The following SPATA1 variants were observed in gnomAD, a reference collection of about 807,000 sequenced individuals.
The protein encoded by SPATA1 is spermatogenesis associated 1, also known as spermatogenesis-associated protein 1.
In SPATA1, 57 loss-of-function variants were observed where a neutral mutation model predicts 59.6. That is an observed-to-expected ratio of 0.96 (90% confidence interval 0.77 to 1.19). The LOEUF is 1.19. Ranked by LOEUF, SPATA1 falls within the 50% of genes most tolerant of loss-of-function variation. The pLI is 0.00. For missense variants in SPATA1, 448 were observed against 480.7 expected (o/e 0.93, Z 0.64); for synonymous variants, 147 against 163.9 (o/e 0.90, Z 0.79).
chr1:84,524,116 G>A (rs546131069), intron 4 of SPATA1, among the ~76,000 whole-genome samples: 1 of 151,978 alleles, frequency 6.6e-6, no homozygotes, highest in Non-Finnish European at 1.5e-5. Context: ...AAGAGGGTAA[G>A]TAGAAAACTT....
At chr1:84,528,512 A>G (rs1683326188) in intron 6 of SPATA1, among the ~76,000 whole-genome samples, 1 of 152,068 alleles carries the variant, frequency 6.6e-6, no homozygotes, top group Non-Finnish European at 1.5e-5. Context: ...CACTTCTCTT[A>G]CTCAACATTG....
At chr1:84,557,270 C>T (rs1242711638), downstream of SPATA1, among the ~76,000 whole-genome samples, 2 of 152,098 alleles carry the variant, frequency 1.3e-5, no homozygotes, top group Non-Finnish European at 2.9e-5. Flanking sequence ...CGATGGCTTA[C>T]GCCTGTAATC....
At chr1:84,555,293 A>G, downstream of SPATA1, 1 of 968,398 alleles carries the variant, frequency 1.0e-6, no homozygotes, top group South Asian at 2.2e-5. Flanking sequence ...CAGTACAGTA[A>G]GAGGGAAAAA....
intron 6 of SPATA1, 77 bp downstream of exon 6, chr1:84,526,150 TG>T: frequency 8.3e-7 from 1 of 1,197,680 alleles, no homozygotes; most frequent in Non-Finnish European, 1.2e-6. Flanking sequence ...AAGCAAACCC[TG>T]AGCAAACCTA....
At chr1:84,556,946 T>C (rs1684449337), downstream of SPATA1, among the ~76,000 whole-genome samples, 1 of 152,208 alleles carries the variant, frequency 6.6e-6, no homozygotes, top group African/African-American at 2.4e-5. Context: ...TGACAGATTA[T>C]TGAAGATTCA....
At chr1:84,550,059 G>A (rs1486629402) in intron 11 of SPATA1, 1 of 152,064 alleles carries the variant, frequency 6.6e-6, no homozygotes, top group African/African-American at 2.4e-5. Context: ...TATTAAATTA[G>A]TTTTTGCATA....
intron 4 of SPATA1, among the ~76,000 whole-genome samples, chr1:84,561,526 G>GT (rs1323055444): frequency 6.6e-6 from 1 of 152,222 alleles, no homozygotes; most frequent in Non-Finnish European, 1.5e-5. Flanking sequence ...CAGCAGCAGA[G>GT]TTTGATGGGG....
Position 84,563,532 on chromosome 1 carries a change from T to C in SPATA1, n.443-2329T>C, listed in dbSNP as rs1277178170. ...AAACATATACCATAGAAAACCTGAC[T>C]ATACAGAAAAAAGGTTAAAATAAAT... is the stretch of plus-strand genomic sequence containing the variant. On this transcript the variant is annotated intron_variant and non_coding_transcript_variant, in intron 4 of 4. Transcript: ENST00000460286. 4.3e-5 allele frequency: 34 copies of C among 783,872 alleles called. No individual in the cohort carries two copies. The Admixed American group carries it at 1.3e-3, about 29-fold the overall frequency. The allele number at this position is 783,872 out of a possible 1,614,324, so 48.6% of individuals were successfully genotyped here.
At chr1:84,554,980 ATGGTT>A (rs760513098), downstream of SPATA1, 1 of 1,602,026 alleles carries the variant, frequency 6.2e-7, no homozygotes, top group South Asian at 1.1e-5. Flanking sequence ...CTAACTCTTA[ATGGTT>A]TGACAAAAGA....
At chr1:84,563,774 A>G in intron 4 of SPATA1, 1 of 1,609,140 alleles carries the variant, frequency 6.2e-7, no homozygotes, top group East Asian at 2.2e-5. Context: ...AACCATACCA[A>G]GGAACACCCA....
intron 8 of SPATA1, among the ~76,000 whole-genome samples, chr1:84,534,229 T>A (rs150943900): frequency 0.011 from 1,736 of 152,162 alleles, 9 homozygotes; most frequent in Non-Finnish European, 0.018. Context: ...AACGAGTTAA[T>A]GAACACTATT....
In SPATA1 at chr1:84,532,944, C is replaced by A; in HGVS notation, c.629C>A (p.Ser210Ter). The A allele has an allele frequency of 6.4e-7, 1 of 1,551,464 alleles. No individual in the cohort carries two copies. The highest frequency in any genetic ancestry group is 8.7e-7 in the Non-Finnish European group (1 of 1,146,850). ...GAGTTGCCAGGATCATTGGAAGATT[C>A]AAATAATGATTGCTTTGGCACTAAA... Residue 210 changes from serine to a stop codon, truncating the protein, a stop_gained, in exon 7 of 13, where the codon TCA (serine) becomes TAA (stop). Transcript: ENST00000490879. LOFTEE classifies it high-confidence loss of function.
At chr1:84,562,726 T>G (rs1352115455) in intron 4 of SPATA1, among the ~76,000 whole-genome samples, 2 of 152,194 alleles carry the variant, frequency 1.3e-5, no homozygotes, top group African/African-American at 4.8e-5. Context: ...TTTCTTCAGG[T>G]TTCCTTTATG....
chr1:84,564,782 A>G (rs1378307214), intron 4 of SPATA1, among the ~76,000 whole-genome samples: 1 of 152,184 alleles, frequency 6.6e-6, no homozygotes, highest in Admixed American at 6.5e-5. Context: ...ACAATGGCTC[A>G]TGCCTGTAAT....
chr1:84,565,608 A>T (rs1417156526), intron 4 of SPATA1, among the ~76,000 whole-genome samples: 1 of 152,208 alleles, frequency 6.6e-6, no homozygotes, highest in Non-Finnish European at 1.5e-5. Context: ...TTTTTATCTC[A>T]TCTAGAAATA....
Position 84,548,959 on chromosome 1 carries a change from T to TC in SPATA1, c.1122dup (p.Lys375GlnfsTer10). Reference sequence around the variant, plus strand: ...AAAGAATCTGGCAAACATCACAGACTCCAAGGTATTACTAAATGTATCCCC... The same window carrying TC: ...AAAGAATCTGGCAAACATCACAGACTCCCAAGGTATTACTAAATGTATCCCC... On this transcript the variant is annotated frameshift_variant, in exon 11 of 13. Coordinates refer to ENST00000490879, the Ensembl canonical transcript of SPATA1. LOFTEE classifies it high-confidence loss of function. 1.3e-6 allele frequency: 2 copies of TC among 1,572,680 alleles called. No individual in the cohort carries two copies. Among genetic ancestry groups the TC allele is most frequent in the Non-Finnish European group, 1.7e-6 (2 of 1,162,320 alleles).
intron 1 of SPATA1, among the ~76,000 whole-genome samples, chr1:84,514,398 G>T (rs545306893): frequency 1.3e-5 from 2 of 152,276 alleles, no homozygotes; most frequent in South Asian, 4.1e-4. Context: ...AAAGGTTTGG[G>T]ATAATCTGAA....
intron 10 of SPATA1, among the ~76,000 whole-genome samples, chr1:84,547,406 G>C (rs937871175): frequency 3.9e-5 from 6 of 152,198 alleles, no homozygotes; most frequent in Admixed American, 2.0e-4. Flanking sequence ...GCCGGGCACT[G>C]TTTTAAATGC....
exon 12 of SPATA1, chr1:84,550,449 G>C: frequency 6.5e-7 from 1 of 1,547,498 alleles, no homozygotes; most frequent in South Asian, 1.3e-5. Context: ...TAATAATCCA[G>C]ATCACTGAGG....
Sources: gnomAD v4.1 joint callset for allele counts (sites outside exome capture counted in the v4.1 genomes callset) on GRCh38, gnomAD v4.1.1 for gene constraint, MANE v1.5 for transcripts, NCBI Gene and HGNC (gene_info 2026-07-23, HGNC 2026-07-21) for gene names.